The following EIF2D variants were observed in gnomAD, a reference collection of about 807,000 sequenced individuals.
The protein encoded by EIF2D is hepatocellular carcinoma-associated antigen 56.
Under a neutral mutation model 77.4 loss-of-function variants are expected in EIF2D, and 56 were observed. The ratio of observed to expected loss-of-function variants is 0.72; its 90% confidence interval spans 0.58 to 0.90. The LOEUF is 0.90. EIF2D is among the 40% of genes least tolerant of loss of function. The probability of loss-of-function intolerance (pLI) is 0.00; values close to 1 mark genes in which losing one functional copy is unlikely to be tolerated. For missense variants in EIF2D, 574 were observed against 706.5 expected (o/e 0.81, Z 2.13); for synonymous variants, 230 against 271.0 (o/e 0.85, Z 1.49).
In EIF2D at chr1:206,611,306, A is replaced by T; in HGVS notation, c.125T>A (p.Val42Glu). Reference protein sequence around the residue: ...TLGTDQVSELVPGKEELNIVK... With the variant: ...TLGTDQVSELEPGKEELNIVK... ...AATGTTGAGCTCCTCCTTTCCAGGT[A>T]CTAACTCAGAGACTTGATCAGTTCC... The change falls in exon 2 of 15, where the codon GTA becomes GAA. Residue 42 changes from valine to glutamate, a missense_variant. Coordinates refer to ENST00000271764, the MANE Select transcript of EIF2D (RefSeq NM_006893.3). 6.2e-7 allele frequency: 1 copy of T among 1,614,230 alleles called. No individual in the cohort carries two copies.
At chr1:206,606,594 T>A (rs1029776516) in intron 4 of EIF2D, among the ~76,000 whole-genome samples, 18 of 152,326 alleles carry the variant, frequency 1.2e-4, no homozygotes, top group African/African-American at 4.1e-4. Flanking sequence ...TCTTTTCAAC[T>A]GTAATTTCTG....
At chr1:206,589,500 A>C (rs1357680800), downstream of EIF2D, 1 of 152,204 alleles carries the variant, frequency 6.6e-6, no homozygotes, top group Non-Finnish European at 1.5e-5. Flanking sequence ...ATGTCTCCGC[A>C]GTGCAAGAGA....
chr1:206,606,475 AC>A (rs1553412733), intron 4 of EIF2D, among the ~76,000 whole-genome samples: 1 of 151,746 alleles, frequency 6.6e-6, no homozygotes, highest in African/African-American at 2.4e-5. Context: ...CCATAGCTCC[AC>A]CCCCATATAC....
intron 7 of EIF2D, chr1:206,602,020 G>A (rs782679121): frequency 6.7e-6 from 2 of 296,644 alleles, no homozygotes; most frequent in South Asian, 4.5e-5. Context: ...CAGAGGACAC[G>A]CTGCCCGATT....
chr1:206,595,833 A>C lies in EIF2D; in HGVS notation c.1394T>G (p.Leu465Trp). Residue 465 changes from leucine to tryptophan, a missense_variant, in exon 13 of 15, where the codon TTG (leucine) becomes TGG (tryptophan). Leu to Trp is a moderately conservative substitution (Grantham distance 61). Transcript: ENST00000271764. ...LPWDSLLTRC[L>W]EKLQPAYQVT... ...TTGATAGGCAGGCTGTAATTTTTCC[A>C]AACACCTGAAACAGAAGTTATGAGT... is the stretch of plus-strand genomic sequence containing the variant. The C allele has an allele frequency of 1.9e-6, 3 of 1,614,014 alleles. No individual in the cohort carries two copies. The highest frequency in any genetic ancestry group is 1.7e-4 in the Middle Eastern group (1 of 6,060).
chr1:206,591,973 T>C, intron 14 of EIF2D, 128 bp from the exon 15 acceptor site: 1 of 819,550 alleles, frequency 1.2e-6, no homozygotes, highest in Non-Finnish European at 2.1e-6. Flanking sequence ...ACTGACCACT[T>C]ACGCCTACAC....
At chr1:206,607,321 C>T (rs1053377614) in intron 4 of EIF2D, among the ~76,000 whole-genome samples, 62 of 152,186 alleles carry the variant, frequency 4.1e-4, no homozygotes, top group Admixed American at 7.2e-4. Context: ...TATTTTTATA[C>T]GCACATGTAT....
downstream of EIF2D, among the ~76,000 whole-genome samples, chr1:206,569,646 A>T (rs574161685): frequency 1.3e-5 from 2 of 152,304 alleles, no homozygotes; most frequent in East Asian, 3.9e-4. Context: ...TTCATTCCTC[A>T]TGACTTAGTT....
At chr1:206,602,503 C>T in intron 6 of EIF2D, 50 bp from the exon 7 acceptor site, 1 of 1,530,918 alleles carries the variant, frequency 6.5e-7, no homozygotes. Flanking sequence ...TACAGAACAC[C>T]TGGTACAAGA....
chr1:206,605,430 G>T lies in EIF2D; in HGVS notation c.500C>A (p.Ser167Tyr), dbSNP rs1553412463. The change falls in exon 5 of 15, where the codon TCT (serine) becomes TAT (tyrosine). Residue 167 changes from serine (S) to tyrosine (Y), a missense_variant. By Grantham distance (144) the Ser-to-Tyr change is moderately radical. Transcript: ENST00000271764. ...LTSGLKGRGF[S>Y]VLHTYQDHLW... ...GTGGTCCTGGTAAGTGTGGAGCACA[G>T]AGAAGCCCCTTCCCTTCAGGCCTGA... The T allele has an allele frequency of 1.2e-6, 2 of 1,614,142 alleles. No homozygotes were observed. The highest frequency in any genetic ancestry group is 3.3e-5 in the Admixed American group (2 of 60,024).
intron 4 of EIF2D, among the ~76,000 whole-genome samples, chr1:206,574,865 T>C (rs985656860): frequency 2.4e-4 from 35 of 146,980 alleles, no homozygotes; most frequent in African/African-American, 7.6e-4. Flanking sequence ...TTTTTTTTTT[T>C]TTTTTTTTTT....
At chr1:206,600,415 G>T in intron 7 of EIF2D, 107 bp from the exon 8 acceptor site, 1 of 992,744 alleles carries the variant, frequency 1.0e-6, no homozygotes, top group East Asian at 2.4e-5. Flanking sequence ...CCCACCTTCA[G>T]AGAGAGGCCA....
rs556112153 is a variant in EIF2D at position 206,608,416 on chromosome 1, A to G, written c.332-90T>C. On this transcript the variant is annotated intron_variant, in intron 3 of 14. Transcript: ENST00000271764. The stretch of plus-strand genomic sequence containing the variant: ...TCATTTCCTCACTCGCTCAACAAAA[A>G]AATAGTTACTAGGTATCAACTATGT... 149 of 1,042,250 alleles carry G rather than the reference A, an allele frequency of 1.4e-4. No individual in the cohort carries two copies. In the African/African-American group the frequency reaches 2.3e-3, roughly 16 times the overall value. 64.6% of individuals were successfully genotyped at this position (1,042,250 alleles called of 1,614,324 possible). A position where few individuals can be genotyped will look rare whatever the true frequency, so the allele number is the denominator to read the frequency against.
intron 5 of EIF2D, chr1:206,605,085 C>T (rs967160667): frequency 4.5e-5 from 9 of 199,698 alleles, no homozygotes; most frequent in Admixed American, 2.8e-4. Context: ...AAATGTGCAT[C>T]GCAGCTAGGG....
At chr1:206,571,449 C>T (rs1390203121) in exon 6 of EIF2D, 5 of 152,112 alleles carry the variant, frequency 3.3e-5, no homozygotes, top group Non-Finnish European at 7.3e-5. Context: ...CACCTACCCA[C>T]CGTCCATCCT....
At chr1:206,611,057 C>A in intron 2 of EIF2D, 127 bp downstream of exon 2, 1 of 868,340 alleles carries the variant, frequency 1.2e-6, no homozygotes, top group South Asian at 2.1e-5. Flanking sequence ...CATAAAGATC[C>A]TTGGGGATGG....
chr1:206,570,395 A>G (rs1668410179), downstream of EIF2D, among the ~76,000 whole-genome samples: 1 of 152,088 alleles, frequency 6.6e-6, no homozygotes, highest in South Asian at 2.1e-4. Context: ...CACCCAGCCA[A>G]AATGTACCAT....
At chr1:206,609,532 C>T (rs562651377) in intron 2 of EIF2D, 73 bp from the exon 3 acceptor site, 3 of 1,222,952 alleles carry the variant, frequency 2.5e-6, no homozygotes, top group African/African-American at 1.5e-5. Context: ...AAACCTAACA[C>T]TATGGTCACT....
chr1:206,597,036 CAATGTGATCAACATTA>C lies in EIF2D; in HGVS notation c.1388+48_1388+63del, dbSNP rs1354046204. On this transcript the variant is annotated intron_variant, in intron 12 of 14. Coordinates refer to ENST00000271764, the MANE Select transcript of EIF2D (RefSeq NM_006893.3). The stretch of plus-strand genomic sequence containing the variant: ...CTAAGATAGTGACAGTATTAAAGTT[CAATGTGATCAACATTA>C]AGGCGAGGGGATAGAAAAGTTGGAG... 14 of 1,217,584 alleles carry C rather than the reference CAATGTGATCAACATTA, an allele frequency of 1.1e-5. No homozygotes were observed. The African/African-American group carries it at 2.1e-4, about 18-fold the overall frequency. The allele number at this position is 1,217,584 out of a possible 1,614,324, so 75.4% of individuals were successfully genotyped here. A position where few individuals can be genotyped will look rare whatever the true frequency, so the allele number is the denominator to read the frequency against.
Sources: allele counts gnomAD v4.1 joint callset (sites outside exome capture counted in the v4.1 genomes callset), GRCh38; gene constraint gnomAD v4.1.1; transcripts MANE v1.5; gene names NCBI Gene and HGNC (gene_info 2026-07-23, HGNC 2026-07-21).